The following ATP13A5 variants were observed in gnomAD, a reference collection of about 807,000 sequenced individuals.
The protein encoded by ATP13A5 is probable cation-transporting ATPase 13A5.
Under a neutral mutation model 150.2 loss-of-function variants are expected in ATP13A5, and 149 were observed. The observed-to-expected ratio is 0.99, with a 90% CI of 0.87 to 1.14. The LOEUF is 1.14. ATP13A5 is among the 50% of genes most tolerant of loss of function. The pLI, the probability that ATP13A5 is intolerant of heterozygous loss-of-function variation, is 0.00. For synonymous variants in ATP13A5, 497 were observed against 522.2 expected (o/e 0.95, Z 0.66); for missense variants, 1,383 against 1,449.3 (o/e 0.95, Z 0.74).
intron 1 of ATP13A5, among the ~76,000 whole-genome samples, chr3:193,377,919 A>T (rs1429887033): frequency 6.6e-6 from 1 of 152,238 alleles, no homozygotes; most frequent in Non-Finnish European, 1.5e-5. Flanking sequence ...GACCTTGGGC[A>T]AGTTATTTAA....
At chr3:193,351,341 C>T (rs894412727) in intron 6 of ATP13A5, 140 bp from the exon 7 acceptor site, 4 of 1,034,048 alleles carry the variant, frequency 3.9e-6, no homozygotes, top group Non-Finnish European at 2.8e-6. Context: ...ACTTAGATCT[C>T]TATTGATTTG....
In ATP13A5 at chr3:193,363,402, T is replaced by C. The variant is rs763683367; in HGVS notation, c.238-20A>G. The C allele has an allele frequency of 5.6e-6, 9 of 1,604,820 alleles. No individual in the cohort carries two copies. Among genetic ancestry groups the C allele is most frequent in the Non-Finnish European group, 7.7e-6 (9 of 1,174,846 alleles). On this transcript the variant is annotated intron_variant, in intron 2 of 29. Coordinates refer to ENST00000342358, the MANE Select transcript of ATP13A5 (RefSeq NM_198505.4). ...TTCGTCCTGGAAAAGACAATCCAGT[T>C]CATGAAATTCTCAAGTGTTATTCAG...
At chr3:193,298,452 G>A (rs1401162111) in intron 25 of ATP13A5, among the ~76,000 whole-genome samples, 1 of 152,066 alleles carries the variant, frequency 6.6e-6, no homozygotes, top group Non-Finnish European at 1.5e-5. Flanking sequence ...GGTGCTACAT[G>A]AAATTCTCAA....
At chr3:193,348,382 A>G (rs980519495) in intron 7 of ATP13A5, among the ~76,000 whole-genome samples, 1 of 152,162 alleles carries the variant, frequency 6.6e-6, no homozygotes, top group African/African-American at 2.4e-5. Context: ...GTGCCTCTTG[A>G]GCTTGGCTCT....
chr3:193,362,423 T>C lies in ATP13A5; in HGVS notation c.494A>G (p.Gln165Arg). 1 of 1,614,118 alleles carries C rather than the reference T, an allele frequency of 6.2e-7. No individual in the cohort carries two copies. The highest frequency in any genetic ancestry group is 1.3e-5 in the African/African-American group (1 of 75,052). Residue 165 changes from glutamine to arginine, a missense_variant, in exon 5 of 30, where the codon CAG becomes CGG. Gln to Arg is a conservative substitution (Grantham distance 43). Around this residue, in one of 3 missense-constraint regions of ATP13A5, gnomAD observed 787 missense variants for 771.9 expected, o/e 1.02. Coordinates refer to ENST00000342358, the MANE Select transcript of ATP13A5 (RefSeq NM_198505.4). ...EDSNSCSDIH[Q>R]TFGLGLTSEE... is the part of the protein sequence containing the mutation. ...ACTGGTCAGACCCAATCCAAATGTC[T>C]GATGGATGTCAGAGCAGGAATTGCT... is the stretch of plus-strand genomic sequence containing the variant.
At chr3:193,350,434 CA>C (rs1712520881) in intron 7 of ATP13A5, among the ~76,000 whole-genome samples, 1 of 152,036 alleles carries the variant, frequency 6.6e-6, no homozygotes, top group African/African-American at 2.4e-5. Context: ...GCCAGAAGCT[CA>C]AAAATGTCAA....
Position 193,331,266 on chromosome 3 carries a change from C to G in ATP13A5, c.1318G>C (p.Val440Leu). The G allele has an allele frequency of 6.2e-7, 1 of 1,613,960 alleles. No individual in the cohort carries two copies. The highest frequency in any genetic ancestry group is 8.5e-7 in the Non-Finnish European group (1 of 1,179,926). ...TVTMALILLT[V>L]TVPPVLPAAL... The stretch of plus-strand genomic sequence containing the variant: ...GCTGGCAGCACTGGAGGGACAGTCA[C>G]GGTGAGGAGGATCAGGGCCATGGTC... The change falls in exon 12 of 30, where the codon GTG becomes CTG. Residue 440 changes from valine to leucine, a missense_variant. Around this residue, in one of 3 missense-constraint regions of ATP13A5, gnomAD observed 787 missense variants for 771.9 expected, o/e 1.02. Coordinates refer to ENST00000342358, the MANE Select transcript of ATP13A5 (RefSeq NM_198505.4).
At position 193,297,629 on chromosome 3, in the gene ATP13A5, G is replaced by GT. The variant is rs147279989; in HGVS notation, c.2848+1501dup. 5.9e-5 allele frequency among the ~76,000 whole-genome samples: 9 copies of GT among 151,706 alleles called. No homozygotes were observed. In the South Asian group the frequency reaches 1.5e-3, roughly 25 times the overall value. ...TCTGGTCTATCGTCACCCTTCTGAG[G>GT]TTTTTTTTCTCCTAGTGGTAATAAC... On this transcript the variant is annotated intron_variant, in intron 25 of 29. Transcript: ENST00000342358.
chr3:193,287,819 A>G (rs1364963134), intron 26 of ATP13A5, among the ~76,000 whole-genome samples: 1 of 152,124 alleles, frequency 6.6e-6, no homozygotes, highest in Non-Finnish European at 1.5e-5. Flanking sequence ...CATTTATTGG[A>G]TCTGGGCAAA....
intron 9 of ATP13A5, among the ~76,000 whole-genome samples, chr3:193,341,387 C>G (rs1237304330): frequency 2.0e-5 from 3 of 152,144 alleles, no homozygotes; most frequent in Admixed American, 6.5e-5. Context: ...CATGCCTTTC[C>G]TCTACTGCAT....
At chr3:193,277,122 G>A (rs1434075263) in intron 28 of ATP13A5, among the ~76,000 whole-genome samples, 1 of 152,164 alleles carries the variant, frequency 6.6e-6, no homozygotes, top group Non-Finnish European at 1.5e-5. Context: ...CATTTTGGAG[G>A]CTATGTGTCT....
At chr3:193,295,128 A>C (rs1718113758) in intron 25 of ATP13A5, among the ~76,000 whole-genome samples, 1 of 152,146 alleles carries the variant, frequency 6.6e-6, no homozygotes, top group Non-Finnish European at 1.5e-5. Context: ...ATAAATGTCC[A>C]CAGTTCTCAG....
At chr3:193,324,778 G>A in intron 14 of ATP13A5, 86 bp downstream of exon 14, 1 of 1,442,586 alleles carries the variant, frequency 6.9e-7, no homozygotes, top group Non-Finnish European at 9.5e-7. Context: ...AACCTTCTCT[G>A]TGTTTTAACA....
chr3:193,335,695 T>C (rs1188872943), intron 9 of ATP13A5, among the ~76,000 whole-genome samples: 1 of 152,180 alleles, frequency 6.6e-6, no homozygotes, highest in Non-Finnish European at 1.5e-5. Flanking sequence ...TCTCATTCTT[T>C]TGCTCAAAAT....
intron 8 of ATP13A5, 30 bp downstream of exon 8, chr3:193,344,973 A>G (rs984653396): frequency 6.3e-6 from 10 of 1,576,716 alleles, no homozygotes; most frequent in Non-Finnish European, 8.7e-6. Flanking sequence ...AAATATTAAG[A>G]TGCTGAAGAT....
At chr3:193,361,609 A>G (rs1713008643) in intron 5 of ATP13A5, among the ~76,000 whole-genome samples, 1 of 152,202 alleles carries the variant, frequency 6.6e-6, no homozygotes, top group Non-Finnish European at 1.5e-5. Context: ...GAAGACTTGT[A>G]ATGATTTCCT....
At chr3:193,350,025 T>A (rs907716340) in intron 7 of ATP13A5, among the ~76,000 whole-genome samples, 3 of 152,082 alleles carry the variant, frequency 2.0e-5, no homozygotes, top group Admixed American at 2.0e-4. Flanking sequence ...ACGGAATAGT[T>A]GAATAAATTA....
At chr3:193,313,859 G>A in intron 19 of ATP13A5, 174 bp downstream of exon 19, 1 of 696,226 alleles carries the variant, frequency 1.4e-6, no homozygotes. Flanking sequence ...ACTCCCCCAG[G>A]TGATTTTCCT....
chr3:193,281,073 G>A (rs1004126356), intron 27 of ATP13A5: 6 of 420,794 alleles, frequency 1.4e-5, no homozygotes, highest in African/African-American at 1.3e-4. Flanking sequence ...AAGTGCTTGG[G>A]AAGGGTATGA....
Sources: allele counts gnomAD v4.1 joint callset (sites outside exome capture counted in the v4.1 genomes callset), GRCh38; gene constraint gnomAD v4.1.1; regional missense constraint gnomAD v4.1.1; transcripts MANE v1.5; gene names NCBI Gene and HGNC (gene_info 2026-07-23, HGNC 2026-07-21).